Variants in HMCN2 observed in about 807,000 individuals in gnomAD.
The protein encoded by HMCN2 is hemicentin-2.
HMCN2 carries 325 observed loss-of-function variants against 377.5 expected under a neutral mutation model. The ratio of observed to expected loss-of-function variants is 0.86; its 90% confidence interval spans 0.79 to 0.94. HMCN2 has a LOEUF of 0.94. HMCN2 is among the 40% of genes least tolerant of loss of function. The probability of loss-of-function intolerance (pLI) is 0.00; values close to 1 mark genes in which losing one functional copy is unlikely to be tolerated. For synonymous variants in HMCN2, 2,007 were observed against 2,046.8 expected (o/e 0.98, Z 0.53); for missense variants, 4,543 against 4,725.3 (o/e 0.96, Z 1.13).
Position 130,404,864 on chromosome 9 carries a change from C to T in HMCN2, c.12149-5C>T, listed in dbSNP as rs11244194. ...GGTTCCGAGTGGGCCTCCCTCTGCCCGCAGTCCCACCAGTGATCGAGAATG... is the reference window on the plus strand; with the variant it reads ...GGTTCCGAGTGGGCCTCCCTCTGCCTGCAGTCCCACCAGTGATCGAGAATG... On this transcript the variant is annotated splice_region_variant and splice_polypyrimidine_tract_variant and intron_variant, in intron 80 of 97. Transcript: ENST00000683500. The T allele has an allele frequency of 0.04, 49,027 of 1,238,640 alleles. 1,449 individuals are homozygous for T. Among genetic ancestry groups the T allele is most frequent in the African/African-American group, 0.11 (7,090 of 64,304 alleles). 76.7% of individuals were successfully genotyped at this position (1,238,640 alleles called of 1,614,324 possible). A position where few individuals can be genotyped will look rare whatever the true frequency, so the allele number is the denominator to read the frequency against.
At chr9:130,421,267 G>A (rs1050342852) in intron 86 of HMCN2, among the ~76,000 whole-genome samples, 1 of 152,136 alleles carries the variant, frequency 6.6e-6, no homozygotes, top group Non-Finnish European at 1.5e-5. Context: ...AATGAGCAAC[G>A]TAGTTTATTT....
intron 23 of HMCN2, chr9:130,338,501 C>T (rs1310107739): frequency 6.6e-6 from 1 of 152,382 alleles, no homozygotes; most frequent in Non-Finnish European, 1.5e-5. Flanking sequence ...GCTCCCACCA[C>T]TGCCATCAAC....
intron 85 of HMCN2, among the ~76,000 whole-genome samples, chr9:130,412,567 C>CT (rs55873444): frequency 0.032 from 4,249 of 134,474 alleles, 226 homozygotes; most frequent in African/African-American, 0.1. Flanking sequence ...CTTTCTTTCT[C>CT]TTTTTTTTTT....
rs914670779 is a variant in HMCN2, at chr9:130,393,876, T to A, written c.10369T>A (p.Leu3457Met). The A allele has an allele frequency of 4.4e-5, 57 of 1,289,534 alleles. No individual in the cohort carries two copies. In the African/African-American group the frequency reaches 7.7e-4, roughly 18 times the overall value. 79.9% of individuals were successfully genotyped at this position (1,289,534 alleles called of 1,614,324 possible). Residue 3457 changes from leucine to methionine, a missense_variant, in exon 68 of 98, where the codon TTG becomes ATG. By Grantham distance (15) the Leu-to-Met change is conservative. This residue lies in a region of HMCN2 where 1,073 missense variants were observed against 1,319.5 expected (regional missense o/e 0.81). Coordinates refer to ENST00000683500, the MANE Select transcript of HMCN2 (RefSeq NM_001291815.2). This position sits in a 1 kb window ranked among gnomAD's most constrained non-coding sequence, Gnocchi z 5.2. ...GTGGATGAAGGATGGGGAACCCTTGTTGTCCCAGAGCCTCGAGCAGGGGCC... is the reference window on the plus strand; with the variant it reads ...GTGGATGAAGGATGGGGAACCCTTGATGTCCCAGAGCCTCGAGCAGGGGCC... The part of the protein sequence containing the change: ...VSWMKDGEPL[L>M]SQSLEQGPSL...
At chr9:130,279,047 G>A (rs782273764) in intron 1 of HMCN2, among the ~76,000 whole-genome samples, 2 of 151,610 alleles carry the variant, frequency 1.3e-5, no homozygotes, top group East Asian at 1.9e-4. Flanking sequence ...ACAGGCATGC[G>A]TCACCAGGCC....
At chr9:130,305,447 C>A (rs919932599) in intron 11 of HMCN2, among the ~76,000 whole-genome samples, 1 of 152,182 alleles carries the variant, frequency 6.6e-6, no homozygotes, top group Non-Finnish European at 1.5e-5. Context: ...GAGCACCCAT[C>A]TGGGAGTTTT....
intron 19 of HMCN2, among the ~76,000 whole-genome samples, chr9:130,322,323 TATCTATCTATCTATCTATCC>T (rs1322643469): frequency 2.1e-5 from 1 of 46,870 alleles, no homozygotes; most frequent in Non-Finnish European, 4.3e-5. Context: ...CTATCTAATC[TATCTATCTATCTATCTATCC>T]ATCTATCTAT....
At chr9:130,408,199 C>T (rs1843205933) in intron 83 of HMCN2, among the ~76,000 whole-genome samples, 1 of 152,122 alleles carries the variant, frequency 6.6e-6, no homozygotes, top group African/African-American at 2.4e-5. Context: ...ATGAACAGCC[C>T]CAGGCACCAA....
Position 130,399,530 on chromosome 9 carries a change from C to G in HMCN2, c.11503C>G (p.Leu3835Val). The stretch of plus-strand genomic sequence containing the variant: ...CCCCAGGCTCCTGCCCTCCAACGCC[C>G]TGCTCCTCACGGCCCCCGGCCCCCA... ...GAYRLLPSNA[L>V]LLTAPGPQDS... is the part of the protein sequence containing the mutation. Residue 3835 changes from leucine to valine, a missense_variant, in exon 76 of 98, where the codon CTG becomes GTG. By Grantham distance (32) the Leu-to-Val change is conservative. Transcript: ENST00000683500. The G allele has an allele frequency of 1.6e-6, 2 of 1,289,162 alleles. No individual in the cohort carries two copies. Among genetic ancestry groups the G allele is most frequent in the Non-Finnish European group, 2.0e-6 (2 of 988,342 alleles). 79.9% of individuals were successfully genotyped at this position (1,289,162 alleles called of 1,614,324 possible).
rs2131849912 is a variant in HMCN2 at position 130,433,903 on chromosome 9, C to T, written c.*210C>T. 1 of 484,940 alleles carries T rather than the reference C, an allele frequency of 2.1e-6. No individual in the cohort carries two copies. Among genetic ancestry groups the T allele is most frequent in the South Asian group, 3.8e-5 (1 of 26,260 alleles). The allele number at this position is 484,940 out of a possible 1,614,324, so 30.0% of individuals were successfully genotyped here. A position where few individuals can be genotyped will look rare whatever the true frequency, so the allele number is the denominator to read the frequency against. ...CACAGAGGGAGGCGTCCAGGGCGGC[C>T]CTTGGGTGGCCAGTCCCGCAGGCAG... On this transcript the variant is annotated 3_prime_UTR_variant, in exon 98 of 98. Coordinates refer to ENST00000683500, the MANE Select transcript of HMCN2 (RefSeq NM_001291815.2).
chr9:130,383,201 A>C (rs1364425678), intron 56 of HMCN2, among the ~76,000 whole-genome samples: 1 of 152,006 alleles, frequency 6.6e-6, no homozygotes, highest in Non-Finnish European at 1.5e-5. Context: ...GAGTCACCCC[A>C]TGTGCAGACA....
At chr9:130,416,583 G>A (rs942750946) in intron 85 of HMCN2, among the ~76,000 whole-genome samples, 1 of 152,184 alleles carries the variant, frequency 6.6e-6, no homozygotes, top group African/African-American at 2.4e-5. Flanking sequence ...TTCCACTCTA[G>A]GTTAGTTTCC....
At chr9:130,397,492 C>T (rs1382626121) in intron 73 of HMCN2, 36 bp from the exon 74 acceptor site, 1 of 1,288,104 alleles carries the variant, frequency 7.8e-7, no homozygotes, top group Admixed American at 2.3e-5. Flanking sequence ...ACCCCACTGG[C>T]TTGCTCATCT....
intron 36 of HMCN2, 58 bp from the exon 37 acceptor site, chr9:130,359,261 A>C: frequency 1.0e-6 from 1 of 973,582 alleles, no homozygotes; most frequent in Non-Finnish European, 1.4e-6. Context: ...GATGGCTGGG[A>C]TTAGAGCTGC....
At chr9:130,420,905 AT>A (rs966966218) in intron 86 of HMCN2, among the ~76,000 whole-genome samples, 11 of 151,046 alleles carry the variant, frequency 7.3e-5, no homozygotes, top group East Asian at 1.9e-4. Context: ...CAGCCTCCTT[AT>A]TTTTTTTTAA....
intron 22 of HMCN2, among the ~76,000 whole-genome samples, chr9:130,335,739 A>G: frequency 6.6e-6 from 1 of 152,010 alleles, no homozygotes; most frequent in East Asian, 1.9e-4. Flanking sequence ...TCAGCCTGTA[A>G]GAGGCAGAAT....
In HMCN2 at chr9:130,431,424, G is replaced by A. The variant is rs985669263; in HGVS notation, c.14705G>A (p.Gly4902Asp). Residue 4902 changes from glycine (G) to aspartate (D), a missense_variant, in exon 96 of 98, where the codon GGC becomes GAC. This residue lies in a region of HMCN2 where 1,155 missense variants were observed against 1,157.7 expected (regional missense o/e 1.00). Coordinates refer to ENST00000683500, the MANE Select transcript of HMCN2 (RefSeq NM_001291815.2). ...CAGCACGCCTGCCGCAACACTGAGG[G>A]CAGCTACCAGTGCCTGTGCCCCGCC... ...LCQHACRNTE[G>D]SYQCLCPAGY... 1.3e-6 allele frequency: 2 copies of A among 1,550,148 alleles called. No homozygotes were observed. Among genetic ancestry groups the A allele is most frequent in the African/African-American group, 1.4e-5 (1 of 73,048 alleles).
rs555100371 is a variant in HMCN2 at position 130,358,499 on chromosome 9, G to A, written c.5677+13G>A. On this transcript the variant is annotated intron_variant, in intron 36 of 97. Transcript: ENST00000683500. ...CTGAAAGTTTTGGGTGAGGACGTGG[G>A]TAACCAGCAGGGCCCAGGCCAGCAT... The A allele has an allele frequency of 7.5e-4, 984 of 1,304,398 alleles. 2 individuals are homozygous for A. Among genetic ancestry groups the A allele is most frequent in the Admixed American group, 9.2e-4 (40 of 43,576 alleles). 80.8% of individuals were successfully genotyped at this position (1,304,398 alleles called of 1,614,324 possible). A position where few individuals can be genotyped will look rare whatever the true frequency, so the allele number is the denominator to read the frequency against.
rs987743478 is a variant in HMCN2, at chr9:130,399,679, G to A, written c.11605+47G>A. On this transcript the variant is annotated intron_variant, in intron 76 of 97. Coordinates refer to ENST00000683500, the MANE Select transcript of HMCN2 (RefSeq NM_001291815.2). The stretch of plus-strand genomic sequence containing the variant: ...GGGGGACACCTGGGGTGGGGGCAGC[G>A]CCTTCCCGCTCTTGGGTGCTCTCCC... The A allele has an allele frequency of 1.6e-5, 20 of 1,239,524 alleles. No homozygotes were observed. In the East Asian group the frequency reaches 8.1e-4, roughly 50 times the overall value. The allele number at this position is 1,239,524 out of a possible 1,614,324, so 76.8% of individuals were successfully genotyped here.
Sources: gnomAD v4.1 joint callset for allele counts (sites outside exome capture counted in the v4.1 genomes callset) on GRCh38, gnomAD v4.1.1 for gene constraint, gnomAD v4.1.1 regional missense constraint, Gnocchi (gnomAD v3.1) non-coding constraint, MANE v1.5 for transcripts, NCBI Gene and HGNC (gene_info 2026-07-23, HGNC 2026-07-21) for gene names.